The following PCDHGA5 variants were observed in gnomAD, a reference collection of about 807,000 sequenced individuals.
PCDHGA5 encodes the protein protocadherin gamma subfamily A, 5, also known as protocadherin gamma-A5.
Under a neutral mutation model 56.7 loss-of-function variants are expected in PCDHGA5, and 36 were observed. The observed-to-expected ratio is 0.64, with a 90% CI of 0.49 to 0.84. PCDHGA5 has a LOEUF of 0.84. PCDHGA5 is among the 40% of genes least tolerant of loss of function. The probability of loss-of-function intolerance (pLI) is 0.00; values close to 1 mark genes in which losing one functional copy is unlikely to be tolerated. For missense variants in PCDHGA5, 1,305 were observed against 1,201.5 expected, an observed-to-expected ratio of 1.09 and a Z score of -1.27; for synonymous variants, 563 against 520.2, an observed-to-expected ratio of 1.08 and a Z score of -1.12.
At chr5:141,505,296 G>A (rs1174492966) in intron 2 of PCDHGA5, 97 bp from the exon 3 acceptor site, 1 of 1,584,850 alleles carries the variant, frequency 6.3e-7, no homozygotes, top group Non-Finnish European at 8.6e-7. Context: ...ATGGGGTAGG[G>A]TTAGGGTACT....
chr5:141,462,781 G>A (rs893647456), intron 1 of PCDHGA5, among the ~76,000 whole-genome samples: 7 of 152,102 alleles, frequency 4.6e-5, no homozygotes, highest in African/African-American at 1.7e-4. Context: ...GTCATAATTT[G>A]TTGCTTATTT....
At chr5:141,390,163 C>G (rs376391116) in intron 1 of PCDHGA5, 6 of 1,613,992 alleles carry the variant, frequency 3.7e-6, no homozygotes, top group Non-Finnish European at 5.1e-6. Flanking sequence ...ACAGGAAAGA[C>G]GGAGTTTAAT....
In PCDHGA5 at chr5:141,417,986, A is replaced by G. The variant is rs777967345; in HGVS notation, c.2421+51235A>G. On this transcript the variant is annotated intron_variant, in intron 1 of 3. Coordinates refer to ENST00000518069, the MANE Select transcript of PCDHGA5 (RefSeq NM_018918.3). ...CTACTCGATTCCGGAGGAGCTGGCC[A>G]AGGGCTCGGTGGTGGGGAACCTCGC... The G allele has an allele frequency of 9.9e-6, 16 of 1,613,490 alleles. No individual in the cohort carries two copies. Among genetic ancestry groups the G allele is most frequent in the Non-Finnish European group, 1.4e-5 (16 of 1,179,718 alleles).
rs1779505290 is a variant in PCDHGA5, at chr5:141,383,837, C to A, written c.2421+17086C>A. On this transcript the variant is annotated intron_variant, in intron 1 of 3. Transcript: ENST00000518069. ...GAAGGATTAGATTATGAAGAAACTG[C>A]CTTCTATGAAATGGAGGTTCAGGCT... 1 of 1,613,886 alleles carries A rather than the reference C, an allele frequency of 6.2e-7. No homozygotes were observed. The highest frequency in any genetic ancestry group is 1.1e-5 in the South Asian group (1 of 91,078).
intron 1 of PCDHGA5, chr5:141,426,692 C>T: frequency 2.3e-6 from 1 of 435,472 alleles, no homozygotes; most frequent in Non-Finnish European, 4.7e-6. Flanking sequence ...CCCAAAATAG[C>T]ATTGTTTTAC....
intron 1 of PCDHGA5, among the ~76,000 whole-genome samples, chr5:141,461,557 C>T (rs2154567400): frequency 6.6e-6 from 1 of 152,122 alleles, no homozygotes; most frequent in East Asian, 1.9e-4. Context: ...CAGATGTGTA[C>T]TTTGCAAAGA....
chr5:141,422,087 G>A, intron 1 of PCDHGA5: 6 of 1,611,966 alleles, frequency 3.7e-6, no homozygotes, highest in Non-Finnish European at 5.1e-6. Context: ...AACATGGAAA[G>A]CAAGGCTTCT....
chr5:141,430,837 C>T (rs1350348914), intron 1 of PCDHGA5: 4 of 1,559,956 alleles, frequency 2.6e-6, no homozygotes, highest in South Asian at 2.5e-5. Context: ...TGTGGGAGAC[C>T]GGATGCACCC....
intron 1 of PCDHGA5, chr5:141,370,312 G>A (rs2149960218): frequency 2.4e-6 from 3 of 1,269,470 alleles, no homozygotes; most frequent in Non-Finnish European, 3.3e-6. Flanking sequence ...AAAGCAAATA[G>A]TTGGTCCTGC....
At chr5:141,418,844 A>G (rs781310201) in intron 1 of PCDHGA5, 2 of 1,613,936 alleles carry the variant, frequency 1.2e-6, no homozygotes, top group South Asian at 2.2e-5. Context: ...ATCTCTCTCA[A>G]CACGGTGTAA....
intron 1 of PCDHGA5, among the ~76,000 whole-genome samples, chr5:141,448,700 G>A (rs2098601460): frequency 6.6e-6 from 1 of 152,106 alleles, no homozygotes; most frequent in African/African-American, 2.4e-5. Context: ...CAGCACTTTG[G>A]GAGGCCGAGG....
intron 1 of PCDHGA5, chr5:141,376,559 C>A (rs758448085): frequency 2.3e-5 from 37 of 1,609,380 alleles, no homozygotes; most frequent in Admixed American, 6.7e-5. Flanking sequence ...TCCCGCAACC[C>A]AACTAATCAG....
chr5:141,434,747 C>T (rs2097714000), intron 1 of PCDHGA5, among the ~76,000 whole-genome samples: 1 of 151,606 alleles, frequency 6.6e-6, no homozygotes, highest in South Asian at 2.1e-4. Flanking sequence ...GCTATGAGAC[C>T]CCTGATTCCC....
At chr5:141,466,510 AT>A (rs1222513096) in intron 1 of PCDHGA5, among the ~76,000 whole-genome samples, 1 of 151,938 alleles carries the variant, frequency 6.6e-6, no homozygotes, top group Non-Finnish European at 1.5e-5. Context: ...AGACAAGATC[AT>A]TTTTTTTCCT....
chr5:141,366,744 G>T lies in PCDHGA5; in HGVS notation c.2414G>T (p.Arg805Leu), dbSNP rs754996318. The change falls in exon 1 of 4, where the codon CGA becomes CTA. Residue 805 changes from arginine to leucine, a missense_variant. Transcript: ENST00000518069. The stretch of plus-strand genomic sequence containing the variant: ...GTAGATGCAAACAAAGAAGAACGGC[G>T]AGTTCAGGTTAGTTTTCTCTTTCGG... Reference protein sequence around the residue: ...DKVDANKEERRVQQAPPNTDW... With the variant: ...DKVDANKEERLVQQAPPNTDW... 1 of 1,611,828 alleles carries T rather than the reference G, an allele frequency of 6.2e-7. No individual in the cohort carries two copies. The highest frequency in any genetic ancestry group is 1.1e-5 in the South Asian group (1 of 90,952).
At chr5:141,502,024 C>G (rs2099812413) in intron 2 of PCDHGA5, among the ~76,000 whole-genome samples, 1 of 152,152 alleles carries the variant, frequency 6.6e-6, no homozygotes, top group African/African-American at 2.4e-5. Context: ...TCCCTGCAAC[C>G]CCCGCCGCTT....
intron 1 of PCDHGA5, among the ~76,000 whole-genome samples, chr5:141,469,392 T>C (rs2099199760): frequency 6.6e-6 from 1 of 152,046 alleles, no homozygotes; most frequent in South Asian, 2.1e-4. Flanking sequence ...CTGGCCAACA[T>C]GGTGAAACCC....
chr5:141,502,468 C>A (rs1007796183), intron 2 of PCDHGA5, among the ~76,000 whole-genome samples: 6 of 151,190 alleles, frequency 4.0e-5, no homozygotes, highest in Non-Finnish European at 8.8e-5. Flanking sequence ...GGAATACTTC[C>A]CGCAGCATCA....
Position 141,366,611 on chromosome 5 carries a change from G to A in PCDHGA5, c.2281G>A (p.Ala761Thr), listed in dbSNP as rs1479573730. 1.2e-6 allele frequency: 2 copies of A among 1,614,240 alleles called. No individual in the cohort carries two copies. The highest frequency in any genetic ancestry group is 1.7e-5 in the Admixed American group (1 of 60,020). The change falls in exon 1 of 4, where the codon GCG becomes ACG. Residue 761 changes from alanine to threonine, a missense_variant. Ala to Thr is a moderately conservative substitution (Grantham distance 58). Transcript: ENST00000518069. The part of the protein sequence containing the change: ...QTYSHEVSLT[A>T]DSRKSHLIFP... ...CTATTCCCACGAGGTCTCCCTCACC[G>A]CGGACTCGAGGAAGAGTCACCTGAT...
Sources: allele counts gnomAD v4.1 joint callset (sites outside exome capture counted in the v4.1 genomes callset), GRCh38; gene constraint gnomAD v4.1.1; transcripts MANE v1.5; gene names NCBI Gene and HGNC (gene_info 2026-07-23, HGNC 2026-07-21).